E2F7: variants seen among roughly 807,000 people sequenced by gnomAD.
The protein encoded by E2F7 is transcription factor E2F7.
In E2F7, 35 loss-of-function variants were observed where a neutral mutation model predicts 81.1. That is an observed-to-expected ratio of 0.43 (90% confidence interval 0.33 to 0.57). The LOEUF (loss-of-function observed/expected upper bound fraction) is 0.57, where lower values mean the gene tolerates loss of function less well. Ranked by LOEUF, E2F7 falls within the 20% of genes least tolerant of loss-of-function variation. The probability of loss-of-function intolerance (pLI) is 0.04; values close to 1 mark genes in which losing one functional copy is unlikely to be tolerated. For missense variants in E2F7, 961 were observed against 1,093.7 expected, an observed-to-expected ratio of 0.88 and a Z score of 1.71; for synonymous variants, 416 against 416.2, an observed-to-expected ratio of 1.00 and a Z score of 0.01.
chr12:77,041,651 T>C (rs1348983073), intron 7 of E2F7, among the ~76,000 whole-genome samples: 1 of 152,174 alleles, frequency 6.6e-6, no homozygotes, highest in Non-Finnish European at 1.5e-5. Context: ...ACTGATCACA[T>C]TGTATCTCAT....
chr12:77,041,100 C>T (rs1954890369), intron 7 of E2F7, among the ~76,000 whole-genome samples: 2 of 152,200 alleles, frequency 1.3e-5, no homozygotes, highest in African/African-American at 2.4e-5. Flanking sequence ...AAGTCTTTCT[C>T]TCATGTCAAA....
chr12:77,034,035 T>C lies in E2F7; in HGVS notation c.1131A>G (p.Glu377=), dbSNP rs376886241. ...AGACAGATGCAGAAACATCCACCAG[T>C]TCTTCATCTACATAAACGAGAGAAT... is the stretch of plus-strand genomic sequence containing the variant. The part of the protein sequence containing the change: ...GPVDFSSSDE[E]LVDVSASVLP... The change falls in exon 8 of 13, where the codon GAA becomes GAG. Residue 377 remains glutamate (E), a synonymous_variant. Transcript: ENST00000322886. 34 of 1,611,544 alleles carry C rather than the reference T, an allele frequency of 2.1e-5. No individual in the cohort carries two copies. The African/African-American group carries it at 3.6e-4, about 17-fold the overall frequency.
In E2F7 at chr12:77,025,582, T is replaced by C; in HGVS notation, c.2541A>G (p.Pro847=). 3 of 1,614,196 alleles carry C rather than the reference T, an allele frequency of 1.9e-6. No homozygotes were observed. The highest frequency in any genetic ancestry group is 2.5e-6 in the Non-Finnish European group (3 of 1,180,024). The change falls in exon 12 of 13, where the codon CCA becomes CCG. Residue 847 remains proline, a synonymous_variant. Coordinates refer to ENST00000322886, the MANE Select transcript of E2F7 (RefSeq NM_203394.3). ...CCTGATGTAATTTTACTACTGAGACTGGATGTCCCACGTAAACGGGGGACT... is the reference window on the plus strand; with the variant it reads ...CCTGATGTAATTTTACTACTGAGACCGGATGTCCCACGTAAACGGGGGACT... ...QPESPVYVGH[P]VSVVKLHQSP...
chr12:77,025,899 T>C lies in E2F7; in HGVS notation c.2224A>G (p.Ser742Gly). 1 of 1,614,016 alleles carries C rather than the reference T, an allele frequency of 6.2e-7. No homozygotes were observed. Among genetic ancestry groups the C allele is most frequent in the African/African-American group, 1.3e-5 (1 of 74,982 alleles). Residue 742 changes from serine to glycine, a missense_variant, in exon 12 of 13, where the codon AGT (serine) becomes GGT (glycine). This residue lies in a region of E2F7 where 587 missense variants were observed against 620.3 expected (regional missense o/e 0.95). Coordinates refer to ENST00000322886, the MANE Select transcript of E2F7 (RefSeq NM_203394.3). ...GATGGTAAGACCATGCAAGGGACAC[T>C]GAAAGACGGCAGCTGACCTGAGGAC... ...GPSSGQLPSF[S>G]VPCMVLPSPP...
rs1013579758 is a variant in E2F7, at chr12:77,022,115, C to T, written c.*1900G>A. ...TGAGGGGAAAAGCAATTTCTGTTTCCGTCTAAATGCAGACCTCTCCATGAA... is the reference window on the plus strand; with the variant it reads ...TGAGGGGAAAAGCAATTTCTGTTTCTGTCTAAATGCAGACCTCTCCATGAA... On this transcript the variant is annotated 3_prime_UTR_variant, in exon 13 of 13. Coordinates refer to ENST00000322886, the MANE Select transcript of E2F7 (RefSeq NM_203394.3). 1.8e-4 allele frequency: 27 copies of T among 152,066 alleles called. No homozygotes were observed. The highest frequency in any genetic ancestry group is 4.3e-4 in the African/African-American group (18 of 41,416). 9.4% of individuals were successfully genotyped at this position (152,066 alleles called of 1,614,324 possible).
In E2F7 at chr12:77,022,635, G is replaced by A. The variant is rs573601873; in HGVS notation, c.*1380C>T. ...AAGAGAGGAAGAGGAAGGAAGAAAAGAAGTAGGAAGGAGGGAAGGAAGAGA... is the reference window on the plus strand; with the variant it reads ...AAGAGAGGAAGAGGAAGGAAGAAAAAAAGTAGGAAGGAGGGAAGGAAGAGA... On this transcript the variant is annotated 3_prime_UTR_variant, in exon 13 of 13. Transcript: ENST00000322886. 1 of 152,586 alleles carries A rather than the reference G, an allele frequency of 6.6e-6. No individual in the cohort carries two copies. The highest frequency in any genetic ancestry group is 1.9e-4 in the East Asian group (1 of 5,182). The allele number at this position is 152,586 out of a possible 1,614,324, so 9.5% of individuals were successfully genotyped here.
chr12:77,036,802 C>T (rs1366640128), intron 7 of E2F7, among the ~76,000 whole-genome samples: 3 of 150,930 alleles, frequency 2.0e-5, no homozygotes, highest in South Asian at 2.1e-4. Flanking sequence ...AGTGCAGTGG[C>T]GCGATCTCGG....
chr12:77,044,406 G>C, intron 6 of E2F7: 1 of 585,806 alleles, frequency 1.7e-6, no homozygotes, highest in Admixed American at 2.7e-5. Flanking sequence ...ATAGTGTTCT[G>C]TTTTTCACTC....
intron 2 of E2F7, among the ~76,000 whole-genome samples, chr12:77,058,562 G>A (rs917515158): frequency 1.3e-5 from 2 of 152,086 alleles, no homozygotes; most frequent in Non-Finnish European, 2.9e-5. Context: ...GGCAGCATGG[G>A]GAAATAGTTA....
At position 77,044,805 on chromosome 12, in the gene E2F7, G is replaced by A. The variant is rs1565904796; in HGVS notation, c.830-10C>T. The A allele has an allele frequency of 1.9e-6, 3 of 1,611,096 alleles. No individual in the cohort carries two copies. Among genetic ancestry groups the A allele is most frequent in the Non-Finnish European group, 2.5e-6 (3 of 1,179,084 alleles). On this transcript the variant is annotated splice_polypyrimidine_tract_variant and intron_variant, in intron 5 of 12. Coordinates refer to ENST00000322886, the MANE Select transcript of E2F7 (RefSeq NM_203394.3). ...CTACTGTTTGCAGATGCTACACAAG[G>A]AATGAAACAAAAGCATCAAAGTATA...
At chr12:77,027,148 G>A (rs995117623) in intron 11 of E2F7, among the ~76,000 whole-genome samples, 1 of 152,172 alleles carries the variant, frequency 6.6e-6, no homozygotes, top group African/African-American at 2.4e-5. Flanking sequence ...AACCTAACCT[G>A]TTCTAGCAGG....
intron 7 of E2F7, among the ~76,000 whole-genome samples, chr12:77,036,211 A>G (rs1421469697): frequency 1.3e-5 from 2 of 152,338 alleles, no homozygotes; most frequent in African/African-American, 4.8e-5. Context: ...CATGAAGAAA[A>G]GGACACCAAG....
chr12:77,056,103 T>A lies in E2F7; in HGVS notation c.121A>T (p.Met41Leu), dbSNP rs766212614. The change falls in exon 3 of 13, where the codon ATG becomes TTG. Residue 41 changes from methionine to leucine, a missense_variant. Met to Leu is a conservative substitution (Grantham distance 15). This residue lies in a region of E2F7 where 73 missense variants were observed against 68.4 expected (regional missense o/e 1.07). Coordinates refer to ENST00000322886, the MANE Select transcript of E2F7 (RefSeq NM_203394.3). ...TTTTTTATTGGAGTCTTCGGGGCCATCCTTGATCGATCAACAAATATATTT... is the reference window on the plus strand; with the variant it reads ...TTTTTTATTGGAGTCTTCGGGGCCAACCTTGATCGATCAACAAATATATTT... ...KENIFVDRSR[M>L]APKTPIKNEP... The A allele has an allele frequency of 6.2e-7, 1 of 1,604,456 alleles. No individual in the cohort carries two copies. The highest frequency in any genetic ancestry group is 1.1e-5 in the South Asian group (1 of 88,512).
intron 10 of E2F7, among the ~76,000 whole-genome samples, chr12:77,029,591 ACTCTTCTT>A (rs1283261032): frequency 6.6e-6 from 1 of 152,094 alleles, no homozygotes; most frequent in Non-Finnish European, 1.5e-5. Context: ...ATTCTGGGTA[ACTCTTCTT>A]TATACTTTTT....
chr12:77,050,777 T>A, intron 3 of E2F7, 33 bp from the exon 4 acceptor site: 1 of 1,604,822 alleles, frequency 6.2e-7, no homozygotes, highest in Non-Finnish European at 8.5e-7. Context: ...AGGGGGAAGA[T>A]GTCACAGTTA....
At chr12:77,034,550 C>A (rs903191925) in intron 7 of E2F7, among the ~76,000 whole-genome samples, 2 of 152,186 alleles carry the variant, frequency 1.3e-5, no homozygotes, top group African/African-American at 2.4e-5. Flanking sequence ...TCAGTTACTA[C>A]GTGACCAAAG....
chr12:77,026,828 G>A (rs1452933331), intron 11 of E2F7, among the ~76,000 whole-genome samples: 3 of 152,090 alleles, frequency 2.0e-5, no homozygotes, highest in Non-Finnish European at 4.4e-5. Context: ...ATTACTATCA[G>A]TAATTTTAAA....
rs1460982930 is a variant in E2F7, at chr12:77,024,119, C to T, written c.2632G>A (p.Gly878Ser). ...TTCAGGACAGGGTCTCCAAGGCTGC[C>T]GGGTGTCTTGAAAAACGTCTCACGA... ...THRETFFKTP[G>S]SLGDPVLKRR... The change falls in exon 13 of 13, where the codon GGC (glycine) becomes AGC (serine). Residue 878 changes from glycine to serine, a missense_variant. Around this residue, in one of 3 missense-constraint regions of E2F7, gnomAD observed 587 missense variants for 620.3 expected, o/e 0.95. Transcript: ENST00000322886. 3.7e-6 allele frequency: 6 copies of T among 1,613,760 alleles called. No individual in the cohort carries two copies. The highest frequency in any genetic ancestry group is 4.5e-5 in the East Asian group (2 of 44,860).
chr12:77,025,936 A>AG lies in E2F7; in HGVS notation c.2186dup (p.Thr730TyrfsTer74), dbSNP rs36042830. 3 of 1,613,532 alleles carry AG rather than the reference A, an allele frequency of 1.9e-6. No homozygotes were observed. The highest frequency in any genetic ancestry group is 8.5e-7 in the Non-Finnish European group (1 of 1,179,738). The stretch of plus-strand genomic sequence containing the variant: ...GCTGACCTGAGGACGGGCCCACAGT[A>AG]GGGGGGGTTTGACTGCCAGATAAAA... On this transcript the variant is annotated frameshift_variant, in exon 12 of 13. Transcript: ENST00000322886. LOFTEE classifies it high-confidence loss of function.
Sources: gnomAD v4.1 joint callset for allele counts (sites outside exome capture counted in the v4.1 genomes callset) on GRCh38, gnomAD v4.1.1 for gene constraint, gnomAD v4.1.1 regional missense constraint, MANE v1.5 for transcripts, NCBI Gene and HGNC (gene_info 2026-07-23, HGNC 2026-07-21) for gene names.